MRPS18B: variants seen among roughly 807,000 people sequenced by gnomAD.
The protein encoded by MRPS18B is mitochondrial ribosomal protein S18B, also known as small ribosomal subunit protein mS40.
Under a neutral mutation model 28.4 loss-of-function variants are expected in MRPS18B, and 27 were observed. The ratio of observed to expected loss-of-function variants is 0.95; its 90% CI spans 0.70 to 1.31. The LOEUF (loss-of-function observed/expected upper bound fraction) is 1.31, where lower values mean the gene tolerates loss of function less well. MRPS18B is among the 40% of genes most tolerant of loss of function. The pLI is 0.00. For missense variants in MRPS18B, 343 were observed against 335.9 expected, an observed-to-expected ratio of 1.02 and a Z score of -0.17; for synonymous variants, 118 against 123.7, an observed-to-expected ratio of 0.95 and a Z score of 0.30.
intron 4 of MRPS18B, 102 bp from the exon 5 acceptor site, chr6:30,622,730 G>C (rs757265827): frequency 7.7e-6 from 8 of 1,044,116 alleles, no homozygotes; most frequent in Non-Finnish European, 1.0e-5. Context: ...GGGTGAAGGT[G>C]GTCCATGTGG....
At chr6:30,620,290 C>T (rs769889108) in intron 4 of MRPS18B, among the ~76,000 whole-genome samples, 11 of 151,300 alleles carry the variant, frequency 7.3e-5, no homozygotes, top group Admixed American at 6.6e-4. Flanking sequence ...GCACTCTAGC[C>T]TGGGCGACAG....
chr6:30,624,360 TG>T (rs1188554512), intron 5 of MRPS18B, among the ~76,000 whole-genome samples: 1 of 152,030 alleles, frequency 6.6e-6, no homozygotes, highest in African/African-American at 2.4e-5. Context: ...CCTCCCAAAA[TG>T]CTGGGATTAT....
At chr6:30,623,776 T>C (rs1229811420) in intron 5 of MRPS18B, among the ~76,000 whole-genome samples, 1 of 151,608 alleles carries the variant, frequency 6.6e-6, no homozygotes, top group Non-Finnish European at 1.5e-5. Context: ...AATAATTTTT[T>C]GTTGTTTTTT....
chr6:30,622,718 A>G (rs1015729657), intron 4 of MRPS18B, 114 bp from the exon 5 acceptor site: 2 of 909,098 alleles, frequency 2.2e-6, no homozygotes, highest in African/African-American at 3.2e-5. Flanking sequence ...AGAGCTGTAG[A>G]GGGGTGAAGG....
Position 30,622,819 on chromosome 6 carries a change from CT to C in MRPS18B, c.355-10del. ...CTCTTTTCCTCACGTTTCTCTACCACTTTCCCCCACAGAACGTGAAGCTCTT... is the reference window on the plus strand; with the variant it reads ...CTCTTTTCCTCACGTTTCTCTACCACTTCCCCCACAGAACGTGAAGCTCTT... On this transcript the variant is annotated splice_polypyrimidine_tract_variant and intron_variant, in intron 4 of 6. Transcript: ENST00000259873. The C allele has an allele frequency of 1.2e-6, 2 of 1,612,820 alleles. No individual in the cohort carries two copies. Among genetic ancestry groups the C allele is most frequent in the South Asian group, 1.1e-5 (1 of 91,080 alleles).
At chr6:30,622,678 A>C (rs575610675) in intron 4 of MRPS18B, among the ~76,000 whole-genome samples, 154 bp from the exon 5 acceptor site, 28 of 152,222 alleles carry the variant, frequency 1.8e-4, no homozygotes, top group African/African-American at 6.5e-4. Flanking sequence ...GATGAAGCCA[A>C]ACTGGGACAT....
In MRPS18B at chr6:30,618,087, C is replaced by G. The variant is rs1007997380; in HGVS notation, c.78+144C>G. ...GCAGTACTTCCTGCAACCCCCCCCC[C>G]ACACCCCGCGCATTTTCTAATCCCG... On this transcript the variant is annotated intron_variant, in intron 1 of 6. Coordinates refer to ENST00000259873, the MANE Select transcript of MRPS18B (RefSeq NM_014046.4). 33 of 785,922 alleles carry G rather than the reference C, an allele frequency of 4.2e-5. No homozygotes were observed. The Middle Eastern group carries it at 1.4e-3, about 34-fold the overall frequency. The allele number at this position is 785,922 out of a possible 1,614,324, so 48.7% of individuals were successfully genotyped here. A position where few individuals can be genotyped will look rare whatever the true frequency, so the allele number is the denominator to read the frequency against.
In MRPS18B at chr6:30,622,387, C is replaced by G. The variant is rs536576848; in HGVS notation, c.355-445C>G. Among the ~76,000 whole-genome samples the G allele has an allele frequency of 2.8e-4, 42 of 151,554 alleles. 1 individual carries two copies. The highest frequency in any genetic ancestry group is 4.7e-4 in the Non-Finnish European group (32 of 67,882). Reference sequence around the variant, plus strand: ...GCCAGCTTGGCCAAGATGGTGAAACCGCATCTCTACTAAAGATACAAAATA... The same window carrying G: ...GCCAGCTTGGCCAAGATGGTGAAACGGCATCTCTACTAAAGATACAAAATA... On this transcript the variant is annotated intron_variant, in intron 4 of 6. Transcript: ENST00000259873.
chr6:30,626,237 G>A lies in MRPS18B; in HGVS notation c.*440G>A, dbSNP rs559468285. On this transcript the variant is annotated 3_prime_UTR_variant, in exon 7 of 7. Coordinates refer to ENST00000259873, the MANE Select transcript of MRPS18B (RefSeq NM_014046.4). ...ATCCAGGAAATGAATGTTGCTGATA[G>A]GGATAAATCTTGAGGCTGAGGGCGG... is the stretch of plus-strand genomic sequence containing the variant. The A allele has an allele frequency of 1.5e-4, 27 of 178,990 alleles. No individual in the cohort carries two copies. Among genetic ancestry groups the A allele is most frequent in the African/African-American group, 5.7e-4 (24 of 42,404 alleles). 11.1% of individuals were successfully genotyped at this position (178,990 alleles called of 1,614,324 possible). A position where few individuals can be genotyped will look rare whatever the true frequency, so the allele number is the denominator to read the frequency against.
In MRPS18B at chr6:30,624,867, ATTT is replaced by A. The variant is rs371244829; in HGVS notation, c.422-13_422-11del. The A allele has an allele frequency of 4.0e-4, 638 of 1,612,210 alleles. 5 individuals are homozygous for A. The African/African-American group carries it at 7.3e-3, about 19-fold the overall frequency. On this transcript the variant is annotated splice_polypyrimidine_tract_variant and intron_variant, in intron 5 of 6. Coordinates refer to ENST00000259873, the MANE Select transcript of MRPS18B (RefSeq NM_014046.4). ...TTTACTGTGCCTTAAAGAACAAGATATTTTTCTCCCCACAGGAGTCTGTGTGAA... is the reference window on the plus strand; with the variant it reads ...TTTACTGTGCCTTAAAGAACAAGATATTCTCCCCACAGGAGTCTGTGTGAA...
intron 5 of MRPS18B, among the ~76,000 whole-genome samples, chr6:30,623,533 A>T (rs1031387692): frequency 1.3e-5 from 2 of 152,142 alleles, no homozygotes. Context: ...GGAATCGTAA[A>T]TTTAACAATT....
At chr6:30,621,934 G>A (rs1761182326) in intron 4 of MRPS18B, among the ~76,000 whole-genome samples, 1 of 152,150 alleles carries the variant, frequency 6.6e-6, no homozygotes, top group Non-Finnish European at 1.5e-5. Flanking sequence ...GCAGCAGAGC[G>A]AGACTCCGTC....
intron 1 of MRPS18B, among the ~76,000 whole-genome samples, chr6:30,619,213 G>A (rs1478141877): frequency 6.6e-6 from 1 of 152,140 alleles, no homozygotes; most frequent in Non-Finnish European, 1.5e-5. Context: ...ACTGCGCCCG[G>A]CCTTGTACTA....
intron 1 of MRPS18B, among the ~76,000 whole-genome samples, chr6:30,619,010 C>T (rs373491727): frequency 3.9e-5 from 6 of 152,250 alleles, no homozygotes; most frequent in African/African-American, 7.2e-5. Context: ...CTCCGCCTCC[C>T]GGGTTCAAGT....
chr6:30,622,687 A>G (rs376383238), intron 4 of MRPS18B, 145 bp from the exon 5 acceptor site: 2 of 697,720 alleles, frequency 2.9e-6, no homozygotes, highest in South Asian at 1.7e-5. Context: ...AAACTGGGAC[A>G]TGAAGGAGGA....
intron 4 of MRPS18B, 88 bp downstream of exon 4, chr6:30,620,077 G>A (rs1761055104): frequency 7.8e-7 from 1 of 1,281,052 alleles, no homozygotes; most frequent in South Asian, 1.2e-5. Flanking sequence ...CAGCACTTTG[G>A]GAGGCCAAGG....
At chr6:30,620,697 G>A (rs1256598626) in intron 4 of MRPS18B, among the ~76,000 whole-genome samples, 1 of 152,026 alleles carries the variant, frequency 6.6e-6, no homozygotes, top group African/African-American at 2.4e-5. Flanking sequence ...AGCCTCCCAA[G>A]TAGCTGTAAC....
In MRPS18B at chr6:30,619,708, G is replaced by C. The variant is rs764082746; in HGVS notation, c.188-1G>C. ...ATAACTTGTATGATCTTTCATTTCA[G>C]AATACCAGGAGCGATATGGTTCTCG... On this transcript the variant is annotated splice_acceptor_variant, in intron 2 of 6. Coordinates refer to ENST00000259873, the MANE Select transcript of MRPS18B (RefSeq NM_014046.4). LOFTEE classifies it high-confidence loss of function. The C allele has an allele frequency of 6.2e-7, 1 of 1,613,752 alleles. No homozygotes were observed. Among genetic ancestry groups the C allele is most frequent in the African/African-American group, 1.3e-5 (1 of 74,932 alleles).
intron 5 of MRPS18B, among the ~76,000 whole-genome samples, chr6:30,623,299 T>A (rs991939305): frequency 1.3e-5 from 2 of 151,226 alleles, no homozygotes; most frequent in Admixed American, 6.6e-5. Context: ...ATTGCGCCAT[T>A]GCACTCCAGC....
Sources: allele counts gnomAD v4.1 joint callset (sites outside exome capture counted in the v4.1 genomes callset), GRCh38; gene constraint gnomAD v4.1.1; transcripts MANE v1.5; gene names NCBI Gene and HGNC (gene_info 2026-07-23, HGNC 2026-07-21).